NUP155: variants seen among roughly 807,000 people sequenced by gnomAD.
The protein encoded by NUP155 is nucleoporin 155, also known as nuclear pore complex protein Nup155.
NUP155 carries 71 observed loss-of-function variants against 180.4 expected under a neutral mutation model. The ratio of observed to expected loss-of-function variants is 0.39; its 90% CI spans 0.33 to 0.48. The LOEUF (loss-of-function observed/expected upper bound fraction) is 0.48, where lower values mean the gene tolerates loss of function less well. Ranked by LOEUF, NUP155 falls within the 20% of genes least tolerant of loss-of-function variation. The probability of loss-of-function intolerance (pLI) is 0.91; values close to 1 mark genes in which losing one functional copy is unlikely to be tolerated. For missense variants in NUP155, 1,553 were observed against 1,648.9 expected (o/e 0.94, Z 1.01); for synonymous variants, 582 against 559.5 (o/e 1.04, Z -0.57).
intron 25 of NUP155, among the ~76,000 whole-genome samples, chr5:37,306,728 G>A (rs1029620400): frequency 5.3e-5 from 8 of 152,022 alleles, no homozygotes; most frequent in African/African-American, 1.9e-4. Context: ...GCCTCCCAAA[G>A]TGCTGGGATT....
intron 4 of NUP155, among the ~76,000 whole-genome samples, chr5:37,355,093 A>G (rs1189940151): frequency 1.3e-5 from 2 of 149,818 alleles, no homozygotes; most frequent in Non-Finnish European, 3.0e-5. Context: ...CTCCATCTCA[A>G]AAAAAAAAAG....
intron 22 of NUP155, among the ~76,000 whole-genome samples, chr5:37,312,255 T>C (rs1464342207): frequency 6.6e-6 from 1 of 152,014 alleles, no homozygotes; most frequent in Non-Finnish European, 1.5e-5. Context: ...CCACTACCTA[T>C]GAAGTATTCT....
rs1744418605 is a variant in NUP155, at chr5:37,323,983, T to A, written c.2207+9A>T. ...AAAAGATGAATTAATAAACCCTATT[T>A]ATTCTTACTTTGGATTTCCTAATGG... is the stretch of plus-strand genomic sequence containing the variant. On this transcript the variant is annotated intron_variant, in intron 20 of 34. Coordinates refer to ENST00000231498, the MANE Select transcript of NUP155 (RefSeq NM_153485.3). 1 of 1,527,160 alleles carries A rather than the reference T, an allele frequency of 6.5e-7. No individual in the cohort carries two copies. Among genetic ancestry groups the A allele is most frequent in the Admixed American group, 1.7e-5 (1 of 59,884 alleles). The allele number at this position is 1,527,160 out of a possible 1,614,324, so 94.6% of individuals were successfully genotyped here.
chr5:37,314,969 C>T (rs1180918265), intron 21 of NUP155, among the ~76,000 whole-genome samples: 1 of 152,164 alleles, frequency 6.6e-6, no homozygotes, highest in Non-Finnish European at 1.5e-5. Flanking sequence ...TGGTGGCTCA[C>T]GCAAGTAATC....
chr5:37,356,154 A>AGGAGGC (rs1324171634), intron 4 of NUP155, among the ~76,000 whole-genome samples: 2 of 148,928 alleles, frequency 1.3e-5, no homozygotes, highest in Non-Finnish European at 3.0e-5. Context: ...GCTTGAACCC[A>AGGAGGC]GGAGGCGGAG....
rs544727556 is a variant in NUP155 at position 37,293,727 on chromosome 5, C to A, written c.3930+602G>T. On this transcript the variant is annotated intron_variant, in intron 33 of 34. Coordinates refer to ENST00000231498, the MANE Select transcript of NUP155 (RefSeq NM_153485.3). ...GCAAATGATGATTCTTGGCCGGGCG[C>A]GGTGGCTCACGCCTGTAATCCCAGC... Among the ~76,000 whole-genome samples, 2 of 77,438 alleles carry A rather than the reference C, an allele frequency of 2.6e-5. 1 individual carries two copies. The highest frequency in any genetic ancestry group is 2.3e-4 in the Admixed American group (2 of 8,726). 50.8% of individuals were successfully genotyped at this position (77,438 alleles called of 152,430 possible). A position where few individuals can be genotyped will look rare whatever the true frequency, so the allele number is the denominator to read the frequency against.
chr5:37,309,341 A>T, intron 23 of NUP155, 74 bp from the exon 24 acceptor site: 2 of 1,210,062 alleles, frequency 1.7e-6, no homozygotes, highest in Non-Finnish European at 2.4e-6. Context: ...ACTAAGTTTT[A>T]GTCTATGTCT....
At chr5:37,334,193 C>T (rs1324490249) in intron 12 of NUP155, among the ~76,000 whole-genome samples, 2 of 151,892 alleles carry the variant, frequency 1.3e-5, no homozygotes, top group African/African-American at 2.4e-5. Flanking sequence ...CCTCGACCTC[C>T]CTGGGTTCAG....
chr5:37,336,709 A>G (rs1401191121), intron 12 of NUP155, among the ~76,000 whole-genome samples: 1 of 152,134 alleles, frequency 6.6e-6, no homozygotes. Flanking sequence ...TACAAAGAAT[A>G]AAGGAAAGAA....
At chr5:37,348,684 T>C (rs1305985994) in intron 8 of NUP155, 88 bp from the exon 9 acceptor site, 5 of 809,412 alleles carry the variant, frequency 6.2e-6, no homozygotes, top group East Asian at 2.6e-5. Context: ...TCCTTTAATA[T>C]TGGTATTTAA....
chr5:37,332,313 CTTTTTTTTTTTTTT>C (rs1021002313), intron 13 of NUP155, among the ~76,000 whole-genome samples: 3 of 87,728 alleles, frequency 3.4e-5, no homozygotes, highest in East Asian at 2.7e-4. Context: ...GCCATTACAG[CTTTTTTTTTTTTTT>C]TTTTTTTTTT....
chr5:37,298,909 A>C lies in NUP155; in HGVS notation c.3752T>G (p.Leu1251Arg). 6.2e-7 allele frequency: 1 copy of C among 1,613,376 alleles called. No individual in the cohort carries two copies. Among genetic ancestry groups the C allele is most frequent in the Non-Finnish European group, 8.5e-7 (1 of 1,179,310 alleles). ...MHALSLKIVLLGKIYAGTPRF... is the reference protein window; with the variant it reads ...MHALSLKIVLRGKIYAGTPRF... ...TGGTGTGCCAGCATAAATTTTGCCAAGGAGAACAATCTTGAGACTAAGAGC... is the reference window on the plus strand; with the variant it reads ...TGGTGTGCCAGCATAAATTTTGCCACGGAGAACAATCTTGAGACTAAGAGC... The change falls in exon 32 of 35, where the codon CTT becomes CGT. Residue 1251 changes from leucine to arginine, a missense_variant. Transcript: ENST00000231498.
intron 13 of NUP155, among the ~76,000 whole-genome samples, chr5:37,332,997 T>A (rs1054951084): frequency 2.0e-5 from 3 of 151,870 alleles, no homozygotes; most frequent in Non-Finnish European, 2.9e-5. Context: ...AACTGATAAC[T>A]GATAATTTTG....
chr5:37,315,385 T>G (rs1238352123), intron 21 of NUP155, among the ~76,000 whole-genome samples: 1 of 152,212 alleles, frequency 6.6e-6, no homozygotes, highest in Non-Finnish European at 1.5e-5. Flanking sequence ...TAACTGAAGA[T>G]TATGAGAACT....
At chr5:37,308,314 A>T (rs1362621216) in intron 24 of NUP155, among the ~76,000 whole-genome samples, 2 of 152,176 alleles carry the variant, frequency 1.3e-5, no homozygotes, top group African/African-American at 4.8e-5. Context: ...GCACTTTGAG[A>T]GGCTGAGATG....
intron 6 of NUP155, among the ~76,000 whole-genome samples, 193 bp from the exon 7 acceptor site, chr5:37,350,458 A>G (rs1746381412): frequency 6.6e-6 from 1 of 152,190 alleles, no homozygotes; most frequent in East Asian, 1.9e-4. Context: ...AATTTAAAAT[A>G]TCAACCAAAT....
chr5:37,352,961 T>G (rs1206784103), intron 4 of NUP155, 132 bp from the exon 5 acceptor site: 23 of 634,270 alleles, frequency 3.6e-5, no homozygotes, highest in Non-Finnish European at 6.5e-5. Flanking sequence ...TAGTCAATTC[T>G]GTTGTTAAAA....
At chr5:37,317,562 CATA>C (rs1363099815) in intron 21 of NUP155, among the ~76,000 whole-genome samples, 2 of 151,632 alleles carry the variant, frequency 1.3e-5, no homozygotes, top group Non-Finnish European at 2.9e-5. Flanking sequence ...ATAAAAAAAA[CATA>C]ATGAAATAGG....
chr5:37,323,501 TATAAAGATTCC>T (rs1173690506), intron 20 of NUP155, among the ~76,000 whole-genome samples: 1 of 152,046 alleles, frequency 6.6e-6, no homozygotes, highest in Non-Finnish European at 1.5e-5. Flanking sequence ...TAAATATTTC[TATAAAGATTCC>T]ATGTATATAA....
Sources: allele counts gnomAD v4.1 joint callset (sites outside exome capture counted in the v4.1 genomes callset), GRCh38; gene constraint gnomAD v4.1.1; transcripts MANE v1.5; gene names NCBI Gene and HGNC (gene_info 2026-07-23, HGNC 2026-07-21).